Variants in TAFA1 observed in about 807,000 individuals in gnomAD.
The protein encoded by TAFA1 is TAFA chemokine like family member 1, also known as chemokine-like protein TAFA-1.
TAFA1 carries 4 observed loss-of-function variants against 18.5 expected under a neutral mutation model. The observed-to-expected ratio is 0.22, with a 90% CI of 0.11 to 0.49. The LOEUF (loss-of-function observed/expected upper bound fraction) is 0.49, where lower values mean the gene tolerates loss of function less well. TAFA1 is among the 20% of genes least tolerant of loss of function. TAFA1 has a pLI of 0.98. For missense variants in TAFA1, 147 were observed against 169.0 expected, an observed-to-expected ratio of 0.87 and a Z score of 0.72; for synonymous variants, 56 against 55.2, an observed-to-expected ratio of 1.01 and a Z score of -0.06.
chr3:68,533,022 C>T (rs185855519), intron 3 of TAFA1, among the ~76,000 whole-genome samples: 52 of 147,640 alleles, frequency 3.5e-4, no homozygotes, highest in African/African-American at 1.3e-3. Context: ...GCACTTTTTC[C>T]AAAGAGGGTT....
chr3:68,294,702 T>A (rs1311640095), intron 2 of TAFA1, among the ~76,000 whole-genome samples: 1 of 151,874 alleles, frequency 6.6e-6, no homozygotes, highest in Non-Finnish European at 1.5e-5. Flanking sequence ...CTGGGCATGA[T>A]GAAAGCCCAC....
At chr3:68,005,468 C>T (rs779367329) in intron 1 of TAFA1, among the ~76,000 whole-genome samples, 5 of 152,140 alleles carry the variant, frequency 3.3e-5, no homozygotes, top group Admixed American at 6.5e-5. Context: ...CACAAATTAG[C>T]GTGCATTATG....
At chr3:68,113,584 T>C (rs11127868) in intron 2 of TAFA1, among the ~76,000 whole-genome samples, 135,285 of 152,212 alleles carry the variant, frequency 0.89, 60,490 homozygotes, top group South Asian at 0.95. Context: ...CTTCATTAAA[T>C]GATTTCATAA....
intron 2 of TAFA1, among the ~76,000 whole-genome samples, chr3:68,177,860 C>T (rs553253101): frequency 3.7e-4 from 56 of 152,196 alleles, no homozygotes; most frequent in African/African-American, 1.3e-3. Flanking sequence ...AAACTTAACC[C>T]TGGGCTGGGC....
At chr3:68,018,457 A>T (rs1406493995) in intron 2 of TAFA1, among the ~76,000 whole-genome samples, 1 of 152,234 alleles carries the variant, frequency 6.6e-6, no homozygotes, top group East Asian at 1.9e-4. Flanking sequence ...ATTATTTTTA[A>T]CTTACAACAA....
Position 68,504,432 on chromosome 3 carries a change from A to T in TAFA1, c.260-34324A>T, listed in dbSNP as rs17047775. Among the ~76,000 whole-genome samples the T allele has an allele frequency of 9.3e-4, 142 of 152,316 alleles. 1 individual carries two copies. Among genetic ancestry groups the T allele is most frequent in the African/African-American group, 3.4e-3 (141 of 41,576 alleles). ...AGACTCTGGCATGCATTCCTGGAGC[A>T]TCTTAACTAGGGCTGATACCATGAT... On this transcript the variant is annotated intron_variant, in intron 3 of 4. Transcript: ENST00000478136.
intron 2 of TAFA1, among the ~76,000 whole-genome samples, chr3:68,370,417 TACACAC>T (rs36170007): frequency 1.2e-5 from 1 of 80,260 alleles, no homozygotes; most frequent in Non-Finnish European, 2.3e-5. Flanking sequence ...CATATATATG[TACACAC>T]ACACACACAT....
chr3:68,119,334 T>A (rs868484464), intron 2 of TAFA1, among the ~76,000 whole-genome samples: 1 of 152,172 alleles, frequency 6.6e-6, no homozygotes, highest in Admixed American at 6.5e-5. Flanking sequence ...TTCCATACAT[T>A]GCCTTTCCAC....
chr3:68,108,907 T>C (rs979847873), intron 2 of TAFA1, among the ~76,000 whole-genome samples: 9 of 152,102 alleles, frequency 5.9e-5, no homozygotes, highest in Non-Finnish European at 1.3e-4. Flanking sequence ...TATATATGTA[T>C]ATACAGAGAG....
At chr3:68,271,799 TTTTGCCTC>T (rs1402320473) in intron 2 of TAFA1, among the ~76,000 whole-genome samples, 4 of 151,688 alleles carry the variant, frequency 2.6e-5, no homozygotes, top group African/African-American at 9.7e-5. Flanking sequence ...TCCCTGTCTC[TTTTGCCTC>T]TTTGTCTATC....
chr3:68,252,103 T>C (rs1055041358), intron 2 of TAFA1, among the ~76,000 whole-genome samples: 3 of 152,140 alleles, frequency 2.0e-5, no homozygotes, highest in Non-Finnish European at 2.9e-5. Flanking sequence ...ACTCATAATC[T>C]CAGTTGGCTT....
intron 2 of TAFA1, among the ~76,000 whole-genome samples, chr3:68,292,411 C>CA (rs1355551511): frequency 0.01 from 507 of 49,640 alleles, 8 homozygotes; most frequent in East Asian, 0.084. Flanking sequence ...GAGACTCTGT[C>CA]AAAAAAAAAA....
At chr3:68,085,733 G>A (rs1575608912) in intron 2 of TAFA1, among the ~76,000 whole-genome samples, 1 of 152,224 alleles carries the variant, frequency 6.6e-6, no homozygotes, top group East Asian at 1.9e-4. Flanking sequence ...GAAATCACTG[G>A]AACTACCTAG....
At chr3:68,452,538 A>C (rs201033090) in intron 3 of TAFA1, among the ~76,000 whole-genome samples, 8 of 151,204 alleles carry the variant, frequency 5.3e-5, no homozygotes, top group Non-Finnish European at 1.0e-4. Flanking sequence ...AAAAAAAAAA[A>C]AAACTAGCAA....
At chr3:68,273,614 C>T (rs1414063921) in intron 2 of TAFA1, among the ~76,000 whole-genome samples, 1 of 152,168 alleles carries the variant, frequency 6.6e-6, no homozygotes, top group Non-Finnish European at 1.5e-5. Flanking sequence ...CTTGCTACTA[C>T]TCTGCCTCCC....
Position 68,006,616 on chromosome 3 carries a change from C to T in TAFA1, c.-3-8C>T, listed in dbSNP as rs1289659113. ...GAGGTAACCTTTCCTGTCGAATGTT[C>T]TCTTTAGAGAATGGCAATGGTCTCT... On this transcript the variant is annotated splice_polypyrimidine_tract_variant and splice_region_variant and intron_variant, in intron 1 of 4. Coordinates refer to ENST00000478136, the MANE Select transcript of TAFA1 (RefSeq NM_213609.4). The T allele has an allele frequency of 6.2e-7, 1 of 1,600,724 alleles. No individual in the cohort carries two copies. The highest frequency in any genetic ancestry group is 1.7e-5 in the Admixed American group (1 of 59,996).
chr3:68,440,316 C>G (rs544647432), intron 3 of TAFA1, among the ~76,000 whole-genome samples: 1 of 152,294 alleles, frequency 6.6e-6, no homozygotes, highest in Non-Finnish European at 1.5e-5. Context: ...TCCATTAAAC[C>G]TCTTTCTTTT....
At chr3:68,534,551 A>C (rs1450922401) in intron 3 of TAFA1, among the ~76,000 whole-genome samples, 1 of 152,192 alleles carries the variant, frequency 6.6e-6, no homozygotes, top group Non-Finnish European at 1.5e-5. Flanking sequence ...GATTCTAGTA[A>C]GCCAAAGGGT....
intron 3 of TAFA1, among the ~76,000 whole-genome samples, chr3:68,523,295 C>A (rs529150726): frequency 6.6e-6 from 1 of 152,252 alleles, no homozygotes; most frequent in Admixed American, 6.5e-5. Context: ...AACATTTGTA[C>A]TTTAATGTAA....
Sources: allele counts gnomAD v4.1 joint callset (sites outside exome capture counted in the v4.1 genomes callset), GRCh38; gene constraint gnomAD v4.1.1; transcripts MANE v1.5; gene names NCBI Gene and HGNC (gene_info 2026-07-23, HGNC 2026-07-21).